The following NBPF8 variants were observed in gnomAD, a reference collection of about 807,000 sequenced individuals.
NBPF8 encodes NBPF member 8.
At chr1:120,426,988 C>T (rs1317384080) in intron 2 of NBPF8, among the ~76,000 whole-genome samples, 2 of 137,590 alleles carry the variant, frequency 1.5e-5, no homozygotes, top group African/African-American at 3.0e-5. Flanking sequence ...TGCCTCTGGG[C>T]TCTCTGCTCT....
intron 18 of NBPF8, among the ~76,000 whole-genome samples, chr1:120,460,912 G>T (rs12116534): frequency 3.3e-5 from 5 of 151,826 alleles, no homozygotes; most frequent in East Asian, 3.9e-4. Context: ...ATTGAGGACA[G>T]GCTTTTCATG....
In NBPF8 at chr1:120,464,360, T is replaced by C. The variant is rs1661682446; in HGVS notation, n.3287-16T>C. 1.3e-6 allele frequency: 1 copy of C among 784,566 alleles called. No homozygotes were observed. Among genetic ancestry groups the C allele is most frequent in the Non-Finnish European group, 2.3e-6 (1 of 438,632 alleles). The allele number at this position is 784,566 out of a possible 1,614,324, so 48.6% of individuals were successfully genotyped here. A position where few individuals can be genotyped will look rare whatever the true frequency, so the allele number is the denominator to read the frequency against. On this transcript the variant is annotated splice_polypyrimidine_tract_variant and intron_variant and non_coding_transcript_variant, in intron 22 of 24. Coordinates refer to ENST00000583271, the Ensembl canonical transcript of NBPF8. ...ATTTCCCCTGGCGTATTCTTTACTT[T>C]TTCCTCCTTTTCCAGGCTCAGCAGG...
chr1:120,452,028 G>C, intron 12 of NBPF8, 89 bp from the exon 11 acceptor site: 1 of 1,389,516 alleles, frequency 7.2e-7, no homozygotes, highest in Non-Finnish European at 1.0e-6. Context: ...GTCTCCTTGA[G>C]GACATTGTCT....
At chr1:120,415,746 A>T (rs1553245091), upstream of NBPF8, among the ~76,000 whole-genome samples, 39 of 152,308 alleles carry the variant, frequency 2.6e-4, 1 homozygote, top group East Asian at 5.8e-3. Context: ...TGGGCAACAC[A>T]TGAGGCGCGT....
At chr1:120,431,281 G>GTA (rs1176558722) in intron 3 of NBPF8, among the ~76,000 whole-genome samples, 266 of 119,652 alleles carry the variant, frequency 2.2e-3, no homozygotes, top group South Asian at 2.4e-3. Context: ...GTGTGTGTGT[G>GTA]TATATTCACC....
chr1:120,468,072 A>ACTT, downstream of NBPF8, among the ~76,000 whole-genome samples: 1 of 151,550 alleles, frequency 6.6e-6, no homozygotes, highest in East Asian at 2.0e-4. Flanking sequence ...AACTAGACAC[A>ACTT]CTTCTAATAT....
chr1:120,454,538 G>A (rs1185873498), intron 15 of NBPF8, among the ~76,000 whole-genome samples: 1 of 151,974 alleles, frequency 6.6e-6, no homozygotes, highest in Admixed American at 6.6e-5. Context: ...GCTTTCATCT[G>A]GATCTCCTTT....
upstream of NBPF8, chr1:120,432,435 G>T (rs1553247179): frequency 7.6e-6 from 1 of 131,476 alleles, no homozygotes; most frequent in Non-Finnish European, 1.6e-5. Context: ...TGAAACAGTT[G>T]TTAGGGAGGC....
chr1:120,454,249 T>C, intron 15 of NBPF8, 135 bp downstream of exon 13: 3 of 1,555,822 alleles, frequency 1.9e-6, no homozygotes, highest in Non-Finnish European at 2.6e-6. Flanking sequence ...CAGGGAGTTT[T>C]TTTGTCCTTC....
chr1:120,456,279 G>T (rs1192004623), intron 16 of NBPF8, among the ~76,000 whole-genome samples: 2 of 150,880 alleles, frequency 1.3e-5, no homozygotes, highest in African/African-American at 5.0e-5. Flanking sequence ...TGTCTTTTAG[G>T]TCTGCTTGGT....
chr1:120,460,818 TA>T (rs1407050938), intron 18 of NBPF8, among the ~76,000 whole-genome samples, 194 bp downstream of exon 16: 1 of 152,006 alleles, frequency 6.6e-6, no homozygotes, highest in Non-Finnish European at 1.5e-5. Flanking sequence ...TATCATTTAC[TA>T]ACCTAGTGAA....
intron 3 of NBPF8, among the ~76,000 whole-genome samples, chr1:120,431,252 CGTGTGTGTGTGTGT>C (rs1173094212): frequency 1.3e-4 from 16 of 125,300 alleles, no homozygotes; most frequent in Non-Finnish European, 1.5e-4. Context: ...CACACACAAA[CGTGTGTGTGTGTGT>C]GTGTGTGTGT....
chr1:120,419,315 C>A (rs1283074863), upstream of NBPF8, among the ~76,000 whole-genome samples: 1 of 152,184 alleles, frequency 6.6e-6, no homozygotes, highest in Non-Finnish European at 1.5e-5. Context: ...GTAGAATATA[C>A]GTGTACAGAT....
exon 13 of NBPF8, chr1:120,452,244 C>T: frequency 7.9e-7 from 1 of 1,269,516 alleles, no homozygotes; most frequent in East Asian, 2.3e-5. Context: ...TCCGGATGAG[C>T]CGGACAAGTC....
chr1:120,454,135 G>A (rs1462606899), intron 15 of NBPF8, 21 bp downstream of exon 13: 2 of 1,610,424 alleles, frequency 1.2e-6, no homozygotes, highest in Non-Finnish European at 1.7e-6. Flanking sequence ...TTTTCCTTGT[G>A]TCTCATACCT....
At chr1:120,416,605 CAAAAAAA>C (rs1160932917), upstream of NBPF8, among the ~76,000 whole-genome samples, 2 of 24,234 alleles carry the variant, frequency 8.3e-5, no homozygotes, top group Non-Finnish European at 7.3e-5. Flanking sequence ...ACCCTGTCTC[CAAAAAAA>C]AAAAAAAAAA....
intron 11 of NBPF8, among the ~76,000 whole-genome samples, chr1:120,450,013 G>T (rs1251523772): frequency 6.6e-6 from 1 of 152,070 alleles, no homozygotes; most frequent in African/African-American, 2.4e-5. Flanking sequence ...CAGATCATCA[G>T]GTCAGGAGTT....
chr1:120,454,372 G>A (rs1374791194), intron 15 of NBPF8, among the ~76,000 whole-genome samples: 1 of 151,952 alleles, frequency 6.6e-6, no homozygotes, highest in Non-Finnish European at 1.5e-5. Context: ...GGCAGTATCT[G>A]TCAGGCCTCC....
chr1:120,421,965 T>A (rs1660589069), intron 1 of NBPF8, among the ~76,000 whole-genome samples: 1 of 152,094 alleles, frequency 6.6e-6, no homozygotes, highest in Admixed American at 6.5e-5. Context: ...AATCTCCAAC[T>A]GCTCTGACTC....
Sources: gnomAD v4.1 joint callset for allele counts (sites outside exome capture counted in the v4.1 genomes callset) on GRCh38, gnomAD v4.1.1 for gene constraint, MANE v1.5 for transcripts, NCBI Gene and HGNC (gene_info 2026-07-23, HGNC 2026-07-21) for gene names.